The following TNFSF4 variants were observed in gnomAD, a reference collection of about 807,000 sequenced individuals.
TNFSF4 encodes the protein TNF superfamily member 4.
A neutral mutation model predicts 7.3 loss-of-function variants in TNFSF4; 4 were observed. That is an observed-to-expected ratio of 0.55 (90% CI 0.27 to 1.25). The LOEUF (loss-of-function observed/expected upper bound fraction) is 1.25, where lower values mean the gene tolerates loss of function less well. TNFSF4 is among the 50% of genes most tolerant of loss of function. The probability of loss-of-function intolerance (pLI) is 0.12; values close to 1 mark genes in which losing one functional copy is unlikely to be tolerated. For synonymous variants in TNFSF4, 76 were observed against 83.7 expected (o/e 0.91, Z 0.50); for missense variants, 181 against 208.8 (o/e 0.87, Z 0.82).
At chr1:173,341,678 G>T in the TNFSF4 span, among the ~76,000 whole-genome samples, 3 of 152,210 alleles carry the variant, frequency 2.0e-5, no homozygotes, top group African/African-American at 7.2e-5. Context: ...ACTGCTATGA[G>T]ATATAAGTAA....
the TNFSF4 span, among the ~76,000 whole-genome samples, chr1:173,405,390 G>C: frequency 1.3e-5 from 2 of 152,138 alleles, no homozygotes; most frequent in African/African-American, 4.8e-5. Context: ...CCACTTAAAA[G>C]TATAAAAACT....
the TNFSF4 span, among the ~76,000 whole-genome samples, chr1:173,262,338 G>A: frequency 2.0e-4 from 30 of 152,150 alleles, 1 homozygote; most frequent in East Asian, 4.8e-3. Flanking sequence ...CCTCAAAATA[G>A]TAAGAGCTAT....
At chr1:173,203,320 C>T (rs1489199092) in intron 1 of TNFSF4, among the ~76,000 whole-genome samples, 1 of 152,156 alleles carries the variant, frequency 6.6e-6, no homozygotes, top group East Asian at 1.9e-4. Context: ...TTTAATACCT[C>T]CTTTAGAAGC....
chr1:173,219,084 G>A, the TNFSF4 span, among the ~76,000 whole-genome samples: 4,255 of 152,052 alleles, frequency 0.028, 66 homozygotes, highest in Admixed American at 0.055. Context: ...AAGCTTCATA[G>A]GAACAATTTT....
the TNFSF4 span, among the ~76,000 whole-genome samples, chr1:173,335,164 G>A: frequency 6.6e-6 from 1 of 152,114 alleles, no homozygotes. Context: ...ATGAAACATG[G>A]AACAAACAGT....
At chr1:173,343,543 T>C in the TNFSF4 span, among the ~76,000 whole-genome samples, 1 of 152,182 alleles carries the variant, frequency 6.6e-6, no homozygotes, top group African/African-American at 2.4e-5. Context: ...CTCTATCCCC[T>C]TTGCCTTCCT....
At chr1:173,380,975 A>G in the TNFSF4 span, among the ~76,000 whole-genome samples, 3 of 152,108 alleles carry the variant, frequency 2.0e-5, no homozygotes, top group African/African-American at 7.2e-5. Context: ...CAACATTAAC[A>G]TTGCCCAAGG....
At chr1:173,444,513 GTT>G in the TNFSF4 span, among the ~76,000 whole-genome samples, 1 of 148,778 alleles carries the variant, frequency 6.7e-6, no homozygotes, top group Non-Finnish European at 1.5e-5. Flanking sequence ...GAAATTCTGG[GTT>G]TTTTTTTTAA....
intron 1 of TNFSF4, among the ~76,000 whole-genome samples, chr1:173,189,350 T>G (rs904006312): frequency 1.8e-4 from 28 of 152,308 alleles, no homozygotes; most frequent in East Asian, 5.8e-4. Flanking sequence ...GCTTCCTGCA[T>G]GTCTGGTCTT....
the TNFSF4 span, among the ~76,000 whole-genome samples, chr1:173,375,950 CCA>C: frequency 5.9e-5 from 9 of 152,246 alleles, 1 homozygote; most frequent in South Asian, 1.9e-3. Flanking sequence ...GACCACTAAC[CCA>C]CTGGCAGGAA....
the TNFSF4 span, among the ~76,000 whole-genome samples, chr1:173,382,711 G>T: frequency 6.6e-6 from 1 of 152,078 alleles, no homozygotes; most frequent in African/African-American, 2.4e-5. Context: ...ACAGTGATCA[G>T]CATTTCCTAA....
chr1:173,187,501 C>G (rs1649282142), intron 2 of TNFSF4, among the ~76,000 whole-genome samples: 1 of 152,206 alleles, frequency 6.6e-6, no homozygotes, highest in South Asian at 2.1e-4. Flanking sequence ...TTACTAGTGG[C>G]CTTTGTTAGC....
At chr1:173,397,295 T>C in the TNFSF4 span, among the ~76,000 whole-genome samples, 1 of 152,194 alleles carries the variant, frequency 6.6e-6, no homozygotes, top group Non-Finnish European at 1.5e-5. Context: ...TCAGGTCCCC[T>C]TGAAGAAGGA....
the TNFSF4 span, among the ~76,000 whole-genome samples, chr1:173,337,886 T>C: frequency 6.6e-6 from 1 of 152,184 alleles, no homozygotes; most frequent in African/African-American, 2.4e-5. Flanking sequence ...GTGTCCCATG[T>C]GAATGCTCAC....
chr1:173,192,093 C>T (rs1223267566), intron 1 of TNFSF4, among the ~76,000 whole-genome samples: 2 of 152,204 alleles, frequency 1.3e-5, no homozygotes, highest in Non-Finnish European at 2.9e-5. Flanking sequence ...ACAAGAATCG[C>T]TTGAACCCAG....
At chr1:173,270,921 T>C in the TNFSF4 span, among the ~76,000 whole-genome samples, 14 of 152,036 alleles carry the variant, frequency 9.2e-5, no homozygotes, top group African/African-American at 2.9e-4. Context: ...GAAATATATA[T>C]GAGAGTACTT....
At chr1:173,295,803 T>A in the TNFSF4 span, among the ~76,000 whole-genome samples, 1 of 152,050 alleles carries the variant, frequency 6.6e-6, no homozygotes, top group African/African-American at 2.4e-5. Context: ...TCTTAAAGCA[T>A]CACTGATTTC....
chr1:173,446,126 C>T, the TNFSF4 span, among the ~76,000 whole-genome samples: 1,433 of 151,840 alleles, frequency 9.4e-3, 28 homozygotes, highest in African/African-American at 0.033. Context: ...ATAAATGCTA[C>T]CACTGAGAAG....
At chr1:173,349,154 G>C in the TNFSF4 span, among the ~76,000 whole-genome samples, 1 of 151,974 alleles carries the variant, frequency 6.6e-6, no homozygotes, top group Non-Finnish European at 1.5e-5. Context: ...TCAGCCTCCC[G>C]AGTAGCTGGG....
Sources: allele counts gnomAD v4.1 joint callset (sites outside exome capture counted in the v4.1 genomes callset), GRCh38; gene constraint gnomAD v4.1.1; transcripts MANE v1.5; gene names NCBI Gene and HGNC (gene_info 2026-07-23, HGNC 2026-07-21).